MORF4L1: variants seen among roughly 807,000 people sequenced by gnomAD.
The protein encoded by MORF4L1 is mortality factor 4 like 1.
MORF4L1 carries 4 observed loss-of-function variants against 52.9 expected under a neutral mutation model. That is an observed-to-expected ratio of 0.08 (90% CI 0.04 to 0.17). The LOEUF is 0.17. Ranked by LOEUF, MORF4L1 falls within the 10% of genes least tolerant of loss-of-function variation. MORF4L1 has a pLI of 1.00. For synonymous variants in MORF4L1, 123 were observed against 134.8 expected (o/e 0.91, Z 0.61); for missense variants, 214 against 390.4 (o/e 0.55, Z 3.81).
intron 3 of MORF4L1, chr15:78,885,228 T>G (rs2056679741): frequency 1.7e-6 from 1 of 574,454 alleles, no homozygotes; most frequent in East Asian, 3.1e-5. Context: ...TGTAATTGGG[T>G]GCCTTGAGAG....
chr15:78,874,218 C>T (rs1378099251), intron 1 of MORF4L1, among the ~76,000 whole-genome samples: 1 of 152,158 alleles, frequency 6.6e-6, no homozygotes, highest in Non-Finnish European at 1.5e-5. Flanking sequence ...TGCTAGTTAC[C>T]GTAAATACGA....
chr15:78,890,804 T>G, intron 5 of MORF4L1, 185 bp from the exon 6 acceptor site: 1 of 478,834 alleles, frequency 2.1e-6, no homozygotes, highest in Non-Finnish European at 3.2e-6. Flanking sequence ...TTCTATTATG[T>G]GGAGAGAGAT....
At chr15:78,876,703 C>A in intron 1 of MORF4L1, 2 of 363,646 alleles carry the variant, frequency 5.5e-6, no homozygotes, top group Non-Finnish European at 1.1e-5. Context: ...TTTTAGTTCT[C>A]GTTCCTGGGC....
intron 2 of MORF4L1, among the ~76,000 whole-genome samples, chr15:78,878,527 G>A (rs2056538305): frequency 6.6e-6 from 1 of 152,166 alleles, no homozygotes. Context: ...GATGGGCTGT[G>A]GGAACAAAGA....
At chr15:78,887,403 T>C (rs936241686) in intron 5 of MORF4L1, 54 bp downstream of exon 5, 89 of 1,475,478 alleles carry the variant, frequency 6.0e-5, no homozygotes, top group Admixed American at 1.0e-4. Flanking sequence ...TAATATTTTA[T>C]GTTCATTGTG....
intron 1 of MORF4L1, among the ~76,000 whole-genome samples, chr15:78,874,583 C>CTTTTTTTTTTTTTTTTT (rs56665378): frequency 6.2e-5 from 7 of 112,190 alleles, no homozygotes; most frequent in Admixed American, 2.1e-4. Context: ...CTTTTTCTTT[C>CTTTTTTTTTTTTTTTTT]TTTTTTTTTT....
chr15:78,878,581 T>TA (rs1419069893), intron 2 of MORF4L1, among the ~76,000 whole-genome samples: 6 of 149,272 alleles, frequency 4.0e-5, no homozygotes, highest in South Asian at 4.2e-4. Context: ...TTGCTGAAGT[T>TA]ACTTTTAAAA....
Position 78,897,241 on chromosome 15 carries a change from C to CT in MORF4L1, c.*177dup. ...AGGGGGTAATAGCTCCTTTTTTCTT[C>CT]TTTCTTTTTTTTTTTCATTTCAAAA... On this transcript the variant is annotated 3_prime_UTR_variant, in exon 12 of 12. Transcript: ENST00000426013. The CT allele has an allele frequency of 2.2e-6, 1 of 453,786 alleles. No individual in the cohort carries two copies. Among genetic ancestry groups the CT allele is most frequent in the Non-Finnish European group, 4.0e-6 (1 of 251,894 alleles). The allele number at this position is 453,786 out of a possible 1,614,324, so 28.1% of individuals were successfully genotyped here.
At chr15:78,896,663 A>G (rs1290537275) in intron 11 of MORF4L1, among the ~76,000 whole-genome samples, 1 of 152,112 alleles carries the variant, frequency 6.6e-6, no homozygotes, top group Admixed American at 6.5e-5. Flanking sequence ...TAATGCTGTC[A>G]TGTAATAGGA....
intron 1 of MORF4L1, among the ~76,000 whole-genome samples, chr15:78,874,079 C>T (rs147424698): frequency 1.3e-3 from 200 of 152,270 alleles, no homozygotes; most frequent in African/African-American, 4.7e-3. Flanking sequence ...TGGAAGGCAG[C>T]TCTTTAAATT....
At position 78,887,360 on chromosome 15, in the gene MORF4L1, CTT is replaced by C; in HGVS notation, c.323+13_323+14del. On this transcript the variant is annotated intron_variant, in intron 5 of 11. Coordinates refer to ENST00000426013, the MANE Select transcript of MORF4L1 (RefSeq NM_006791.4). ...GAAAAATGTTGAAGTGTAAGAAGCTCTTTGTTTTGATTTTGCATACTATATGT... is the reference window on the plus strand; with the variant it reads ...GAAAAATGTTGAAGTGTAAGAAGCTCTGTTTTGATTTTGCATACTATATGT... 6.9e-6 allele frequency: 11 copies of C among 1,602,070 alleles called. No homozygotes were observed. Among genetic ancestry groups the C allele is most frequent in the South Asian group, 1.1e-5 (1 of 89,544 alleles).
intron 4 of MORF4L1, among the ~76,000 whole-genome samples, chr15:78,887,004 CTG>C (rs567803354): frequency 1.4e-3 from 215 of 151,118 alleles, no homozygotes; most frequent in Non-Finnish European, 2.6e-3. Flanking sequence ...AAATAAAACA[CTG>C]GGATTAGTGA....
chr15:78,890,971 T>C lies in MORF4L1; in HGVS notation c.324-18T>C. The C allele has an allele frequency of 6.9e-7, 1 of 1,444,770 alleles. No individual in the cohort carries two copies. The highest frequency in any genetic ancestry group is 1.3e-5 in the South Asian group (1 of 78,324). The allele number at this position is 1,444,770 out of a possible 1,614,324, so 89.5% of individuals were successfully genotyped here. A position where few individuals can be genotyped will look rare whatever the true frequency, so the allele number is the denominator to read the frequency against. On this transcript the variant is annotated intron_variant, in intron 5 of 11. Transcript: ENST00000426013. ...TTTACTGGAAATAATTATTTTTCTT[T>C]TTTTTCTCTCCTTTTAGGAAAACGA... is the stretch of plus-strand genomic sequence containing the variant.
At position 78,892,228 on chromosome 15, in the gene MORF4L1, A is replaced by G. The variant is rs73477676; in HGVS notation, c.455A>G (p.Asn152Ser). 2.0e-4 allele frequency: 323 copies of G among 1,612,280 alleles called. No homozygotes were observed. In the African/African-American group the frequency reaches 3.7e-3, roughly 18 times the overall value. ...PTVENEETFMNRVEVKVKIPE... is the reference protein window; with the variant it reads ...PTVENEETFMSRVEVKVKIPE... ...TCTGTTTAGGAGGAAACATTCATGA[A>G]CAGAGTTGAAGTTAAAGTAAAGATT... The change falls in exon 8 of 12, where the codon AAC (asparagine) becomes AGC (serine). Residue 152 changes from asparagine to serine, a missense_variant. Around this residue, in one of 5 missense-constraint regions of MORF4L1, gnomAD observed 84 missense variants for 116.3 expected, o/e 0.72. Coordinates refer to ENST00000426013, the MANE Select transcript of MORF4L1 (RefSeq NM_006791.4).
chr15:78,884,999 C>A lies in MORF4L1; in HGVS notation c.156-1142C>A, dbSNP rs185282535. On this transcript the variant is annotated intron_variant, in intron 3 of 11. Transcript: ENST00000426013. The stretch of plus-strand genomic sequence containing the variant: ...GTGAGGCCCAGGCGCTCTGAAAAAT[C>A]TTTGAAGACACATGAGGATATTGTA... 3.1e-6 allele frequency: 5 copies of A among 1,614,062 alleles called. No homozygotes were observed. In the Admixed American group the frequency reaches 6.7e-5, roughly 22 times the overall value.
At chr15:78,882,522 A>G (rs1346112805) in intron 3 of MORF4L1, among the ~76,000 whole-genome samples, 9 of 152,236 alleles carry the variant, frequency 5.9e-5, no homozygotes, top group Non-Finnish European at 4.4e-5. Context: ...CTCCTAGTGT[A>G]TCTCATAGCT....
intron 3 of MORF4L1, among the ~76,000 whole-genome samples, chr15:78,883,276 TAAAG>T (rs1279268046): frequency 2.7e-5 from 4 of 150,570 alleles, no homozygotes; most frequent in African/African-American, 9.7e-5. Flanking sequence ...GGGAATAGAA[TAAAG>T]AAGATATTTT....
intron 3 of MORF4L1, among the ~76,000 whole-genome samples, chr15:78,884,639 CAAAAAAAA>C (rs71148577): frequency 2.2e-5 from 2 of 89,572 alleles, no homozygotes; most frequent in Admixed American, 1.2e-4. Context: ...AACTCTGTCT[CAAAAAAAA>C]AAAAAAAAAA....
chr15:78,878,051 G>T lies in MORF4L1; in HGVS notation c.41-162G>T, dbSNP rs571883781. On this transcript the variant is annotated intron_variant, in intron 1 of 11. Transcript: ENST00000426013. ...GGATACCAACGTGTTTTTGTCGTAG[G>T]GTATAGTTGAAGTTTGAGCCAAAGT... 9.7e-6 allele frequency: 5 copies of T among 512,918 alleles called. No individual in the cohort carries two copies. In the East Asian group the frequency reaches 1.6e-4, roughly 17 times the overall value. The allele number at this position is 512,918 out of a possible 1,614,324, so 31.8% of individuals were successfully genotyped here. A position where few individuals can be genotyped will look rare whatever the true frequency, so the allele number is the denominator to read the frequency against.
Sources: gnomAD v4.1 joint callset for allele counts (sites outside exome capture counted in the v4.1 genomes callset) on GRCh38, gnomAD v4.1.1 for gene constraint, gnomAD v4.1.1 regional missense constraint, MANE v1.5 for transcripts, NCBI Gene and HGNC (gene_info 2026-07-23, HGNC 2026-07-21) for gene names.